The following HERC3 variants were observed in gnomAD, a reference collection of about 807,000 sequenced individuals.
HERC3 encodes probable E3 ubiquitin-protein ligase HERC3.
HERC3 carries 58 observed loss-of-function variants against 129.9 expected under a neutral mutation model. The ratio of observed to expected loss-of-function variants is 0.45; its 90% CI spans 0.36 to 0.56. The LOEUF (loss-of-function observed/expected upper bound fraction) is 0.56, where lower values mean the gene tolerates loss of function less well. HERC3 is among the 20% of genes least tolerant of loss of function. The pLI is 0.00. For synonymous variants in HERC3, 430 were observed against 451.0 expected (o/e 0.95, Z 0.59); for missense variants, 835 against 1,244.2 (o/e 0.67, Z 4.95).
intron 3 of HERC3, among the ~76,000 whole-genome samples, chr4:88,633,416 C>A (rs1396328339): frequency 1.3e-5 from 2 of 152,062 alleles, no homozygotes; most frequent in African/African-American, 4.8e-5. Flanking sequence ...GTAAAGTAAC[C>A]TATATGGTGG....
intron 3 of HERC3, among the ~76,000 whole-genome samples, chr4:88,642,809 A>G (rs1728264732): frequency 6.6e-6 from 1 of 152,046 alleles, no homozygotes; most frequent in South Asian, 2.1e-4. Context: ...GGGGGATTCA[A>G]ACATTCAGAC....
chr4:88,672,103 TA>T lies in HERC3; in HGVS notation c.1911+1855del, dbSNP rs567656081. On this transcript the variant is annotated intron_variant, in intron 16 of 25. Coordinates refer to ENST00000402738, the MANE Select transcript of HERC3 (RefSeq NM_014606.3). ...TTTCCACTAATTTCATTAGTAGCAG[TA>T]AAAGTCAATTCTTCTGATTTCTAAT... Among the ~76,000 whole-genome samples, 583 of 152,348 alleles carry T rather than the reference TA, an allele frequency of 3.8e-3. 3 individuals carry two copies. Among genetic ancestry groups the T allele is most frequent in the Non-Finnish European group, 4.6e-3 (315 of 68,024 alleles).
At chr4:88,650,089 T>C in intron 4 of HERC3, 90 bp downstream of exon 4, 1 of 1,308,330 alleles carries the variant, frequency 7.6e-7, no homozygotes, top group Non-Finnish European at 1.1e-6. Flanking sequence ...TTTTCTTCAT[T>C]TAATTGCTAT....
chr4:88,559,834 C>T, the HERC3 span, among the ~76,000 whole-genome samples: 2 of 152,220 alleles, frequency 1.3e-5, no homozygotes, highest in East Asian at 3.9e-4. Flanking sequence ...TACAGTAGTT[C>T]TATTTTTAAT....
the HERC3 span, among the ~76,000 whole-genome samples, chr4:88,524,122 C>T: frequency 2.0e-4 from 31 of 152,270 alleles, no homozygotes; most frequent in East Asian, 4.6e-3. Context: ...ATGTATTGTA[C>T]CGAATGTATT....
At chr4:88,535,713 G>A in the HERC3 span, among the ~76,000 whole-genome samples, 2 of 152,046 alleles carry the variant, frequency 1.3e-5, no homozygotes, top group South Asian at 2.1e-4. Context: ...AAAGCCACCA[G>A]TCCCATCATG....
the HERC3 span, among the ~76,000 whole-genome samples, chr4:88,584,589 G>A: frequency 1.3e-5 from 2 of 152,164 alleles, no homozygotes; most frequent in African/African-American, 4.8e-5. Context: ...TTGTCACAGC[G>A]GGGGATTAAG....
At chr4:88,702,453 C>T (rs187693483) in intron 23 of HERC3, among the ~76,000 whole-genome samples, 1 of 152,324 alleles carries the variant, frequency 6.6e-6, no homozygotes, top group Admixed American at 6.5e-5. Flanking sequence ...AGTGTTAAAA[C>T]ACAACTTACA....
At chr4:88,574,555 C>G in the HERC3 span, among the ~76,000 whole-genome samples, 7,682 of 152,274 alleles carry the variant, frequency 0.05, 257 homozygotes, top group Middle Eastern at 0.14. Flanking sequence ...AAAATGGAAG[C>G]TCTGTGCTCA....
At chr4:88,704,863 C>CTTTTTTTTTTTTTTTTTTTTTTTTT (rs1165694315) in intron 25 of HERC3, among the ~76,000 whole-genome samples, 2 of 130,672 alleles carry the variant, frequency 1.5e-5, no homozygotes, top group African/African-American at 6.0e-5. Flanking sequence ...TTCTTTCTTT[C>CTTTTTTTTTTTTTTTTTTTTTTTTT]TTTTTTTTTT....
intron 2 of HERC3, among the ~76,000 whole-genome samples, chr4:88,597,233 A>G (rs554295334): frequency 6.6e-6 from 1 of 152,360 alleles, no homozygotes; most frequent in African/African-American, 2.4e-5. Context: ...AAAATAAAAT[A>G]TTAACTATTT....
chr4:88,635,389 A>T (rs1255018683), intron 3 of HERC3, among the ~76,000 whole-genome samples: 1 of 152,038 alleles, frequency 6.6e-6, no homozygotes, highest in Non-Finnish European at 1.5e-5. Flanking sequence ...AGTCAAGCAG[A>T]AGAAAGAATA....
chr4:88,578,475 G>A, the HERC3 span, among the ~76,000 whole-genome samples: 4 of 151,830 alleles, frequency 2.6e-5, no homozygotes, highest in Non-Finnish European at 5.9e-5. Context: ...CCAGCTACTC[G>A]GGAGGCTGAG....
chr4:88,667,528 A>G (rs1318815360), intron 13 of HERC3, 40 bp downstream of exon 13: 1 of 1,091,580 alleles, frequency 9.2e-7, no homozygotes, highest in South Asian at 1.4e-5. Flanking sequence ...TTAAAAATGC[A>G]TTTTTGTATC....
At chr4:88,674,332 G>A (rs953754381) in intron 16 of HERC3, among the ~76,000 whole-genome samples, 8 of 152,158 alleles carry the variant, frequency 5.3e-5, no homozygotes, top group African/African-American at 1.9e-4. Context: ...TGAAATAACT[G>A]CATTACACCA....
the HERC3 span, among the ~76,000 whole-genome samples, chr4:88,544,984 G>A: frequency 6.6e-6 from 1 of 152,030 alleles, no homozygotes; most frequent in Non-Finnish European, 1.5e-5. Flanking sequence ...AAACCAACAT[G>A]GCGCATGTAT....
At chr4:88,527,909 T>C in the HERC3 span, 1 of 274,574 alleles carries the variant, frequency 3.6e-6, no homozygotes, top group South Asian at 4.3e-5. Context: ...ACCAAGGCGA[T>C]GTGGGACTCC....
At chr4:88,659,877 G>A (rs932316147) in intron 10 of HERC3, among the ~76,000 whole-genome samples, 11 of 151,900 alleles carry the variant, frequency 7.2e-5, no homozygotes, top group African/African-American at 2.4e-4. Flanking sequence ...TTTTATTATT[G>A]TAATCAACAC....
At chr4:88,610,147 TC>T (rs1724133600) in intron 3 of HERC3, among the ~76,000 whole-genome samples, 1 of 152,126 alleles carries the variant, frequency 6.6e-6, no homozygotes, top group Non-Finnish European at 1.5e-5. Context: ...TCCTGTCTCA[TC>T]CTGTGACTTA....
Sources: allele counts gnomAD v4.1 joint callset (sites outside exome capture counted in the v4.1 genomes callset), GRCh38; gene constraint gnomAD v4.1.1; transcripts MANE v1.5; gene names NCBI Gene and HGNC (gene_info 2026-07-23, HGNC 2026-07-21).